The following PIP4K2A variants were observed in gnomAD, a reference collection of about 807,000 sequenced individuals.
The protein encoded by PIP4K2A is phosphatidylinositol-5-phosphate 4-kinase type 2 alpha.
Under a neutral mutation model 42.9 loss-of-function variants are expected in PIP4K2A, and 14 were observed. The observed-to-expected ratio is 0.33, with a 90% CI of 0.22 to 0.51. The LOEUF is 0.51. Ranked by LOEUF, PIP4K2A falls within the 20% of genes least tolerant of loss-of-function variation. PIP4K2A has a pLI of 0.97. For synonymous variants in PIP4K2A, 192 were observed against 192.2 expected, an observed-to-expected ratio of 1.00 and a Z score of 0.01; for missense variants, 434 against 519.8, an observed-to-expected ratio of 0.83 and a Z score of 1.61.
chr10:22,674,711 C>T (rs1253387362), intron 1 of PIP4K2A, among the ~76,000 whole-genome samples: 1 of 151,502 alleles, frequency 6.6e-6, no homozygotes, highest in Non-Finnish European at 1.5e-5. Context: ...GGAGGCTAAA[C>T]GTGGGAGGAT....
intron 3 of PIP4K2A, among the ~76,000 whole-genome samples, chr10:22,600,719 G>A (rs1837742440): frequency 6.6e-6 from 1 of 152,150 alleles, no homozygotes; most frequent in Non-Finnish European, 1.5e-5. Context: ...TTCTGGGTCT[G>A]CAGTTGACAT....
At chr10:22,710,997 GCTTA>G (rs1833902799) in intron 1 of PIP4K2A, among the ~76,000 whole-genome samples, 1 of 152,106 alleles carries the variant, frequency 6.6e-6, no homozygotes, top group South Asian at 2.1e-4. Flanking sequence ...ATCTTAAGAC[GCTTA>G]CTGTTTGATC....
At chr10:22,659,062 T>G (rs1448142824) in intron 1 of PIP4K2A, among the ~76,000 whole-genome samples, 1 of 152,198 alleles carries the variant, frequency 6.6e-6, no homozygotes, top group African/African-American at 2.4e-5. Flanking sequence ...GGACTAGTAA[T>G]CTTGGTTTGT....
At chr10:22,592,131 A>C (rs548634157) in intron 3 of PIP4K2A, among the ~76,000 whole-genome samples, 71 of 152,342 alleles carry the variant, frequency 4.7e-4, no homozygotes, top group African/African-American at 1.7e-3. Flanking sequence ...CATAAAAGAA[A>C]ATTTTACAGT....
At chr10:22,613,824 G>A (rs1838109422) in intron 1 of PIP4K2A, among the ~76,000 whole-genome samples, 1 of 152,152 alleles carries the variant, frequency 6.6e-6, no homozygotes, top group South Asian at 2.1e-4. Flanking sequence ...GCGTTCTTCA[G>A]GATGGAGGGT....
chr10:22,664,075 A>G lies in PIP4K2A; in HGVS notation c.144+50108T>C, dbSNP rs1361347023. Among the ~76,000 whole-genome samples, 21 of 78,982 alleles carry G rather than the reference A, an allele frequency of 2.7e-4. 1 individual carries two copies. The highest frequency in any genetic ancestry group is 1.7e-3 in the African/African-American group (20 of 11,652). The allele number at this position is 78,982 out of a possible 152,430, so 51.8% of individuals were successfully genotyped here. ...TATGTATATATACATATATATATAT[A>G]CGTATATATATATACATATATATAT... On this transcript the variant is annotated intron_variant, in intron 1 of 9. Transcript: ENST00000376573.
At position 22,658,410 on chromosome 10, in the gene PIP4K2A, C is replaced by T. The variant is rs139927705; in HGVS notation, c.145-48693G>A. On this transcript the variant is annotated intron_variant, in intron 1 of 9. Coordinates refer to ENST00000376573, the MANE Select transcript of PIP4K2A (RefSeq NM_005028.5). ...CATGTATTGGTGGAGAAAGGGACCACGGTATATTAATGTTTCATATAACTG... is the reference window on the plus strand; with the variant it reads ...CATGTATTGGTGGAGAAAGGGACCATGGTATATTAATGTTTCATATAACTG... 5.6e-3 allele frequency among the ~76,000 whole-genome samples: 856 copies of T among 152,254 alleles called. 10 individuals carry two copies. The highest frequency in any genetic ancestry group is 0.02 in the African/African-American group (812 of 41,516).
rs538102815 is a variant in PIP4K2A at position 22,682,038 on chromosome 10, T to C, written c.144+32145A>G. On this transcript the variant is annotated intron_variant, in intron 1 of 9. Transcript: ENST00000376573. Reference sequence around the variant, plus strand: ...ATACGTAAAAACTATCCTTAGTTCGTGGCCACACAAAAACAAGCAGCGGGC... The same window carrying C: ...ATACGTAAAAACTATCCTTAGTTCGCGGCCACACAAAAACAAGCAGCGGGC... Among the ~76,000 whole-genome samples the C allele has an allele frequency of 2.0e-5, 3 of 152,266 alleles. No homozygotes were observed. The East Asian group carries it at 5.8e-4, about 29-fold the overall frequency.
At chr10:22,538,226 C>T (rs1461452328) in intron 9 of PIP4K2A, among the ~76,000 whole-genome samples, 1 of 152,184 alleles carries the variant, frequency 6.6e-6, no homozygotes, top group East Asian at 1.9e-4. Context: ...AGCAGCTTAA[C>T]ACAGCGTTCC....
intron 6 of PIP4K2A, among the ~76,000 whole-genome samples, chr10:22,551,874 G>A (rs1200194980): frequency 1.3e-5 from 2 of 152,202 alleles, no homozygotes; most frequent in African/African-American, 4.8e-5. Flanking sequence ...TGGGTCCATC[G>A]CCTGCATCTT....
chr10:22,579,231 C>T (rs780070628), intron 4 of PIP4K2A, among the ~76,000 whole-genome samples: 7 of 152,072 alleles, frequency 4.6e-5, no homozygotes, highest in East Asian at 1.9e-4. Context: ...GGACTATTAC[C>T]GCACGTGTAA....
At chr10:22,550,402 G>A (rs1297311650) in intron 7 of PIP4K2A, among the ~76,000 whole-genome samples, 1 of 152,196 alleles carries the variant, frequency 6.6e-6, no homozygotes, top group Non-Finnish European at 1.5e-5. Context: ...AGGGGCCTGG[G>A]ACCGGGGATT....
intron 1 of PIP4K2A, among the ~76,000 whole-genome samples, chr10:22,639,560 C>G (rs1259535782): frequency 6.6e-6 from 1 of 151,534 alleles, no homozygotes; most frequent in Non-Finnish European, 1.5e-5. Context: ...TACAAATTGT[C>G]AAGAACATAG....
At position 22,645,931 on chromosome 10, in the gene PIP4K2A, AGGCT is replaced by A. The variant is rs1265204506; in HGVS notation, c.145-36218_145-36215del. The stretch of plus-strand genomic sequence containing the variant: ...GAGACGGGGTCTCCCTATGTTGCCC[AGGCT>A]GGTCTGGAACTCCTGGGCTCAAGAG... On this transcript the variant is annotated intron_variant, in intron 1 of 9. Transcript: ENST00000376573. Among the ~76,000 whole-genome samples, 15 of 152,240 alleles carry A rather than the reference AGGCT, an allele frequency of 9.9e-5. 1 individual carries two copies. In the East Asian group the frequency reaches 2.7e-3, roughly 27 times the overall value.
intron 6 of PIP4K2A, among the ~76,000 whole-genome samples, chr10:22,556,113 A>G (rs962193837): frequency 6.6e-6 from 1 of 152,206 alleles, no homozygotes; most frequent in Non-Finnish European, 1.5e-5. Context: ...CAAATTTGGA[A>G]GACACTTTTG....
chr10:22,630,174 CAAA>C (rs1172702333), intron 1 of PIP4K2A, among the ~76,000 whole-genome samples: 1 of 102,498 alleles, frequency 9.8e-6, no homozygotes. Flanking sequence ...TTCATGACTA[CAAA>C]AAAAAAAAAA....
At chr10:22,541,775 CA>C in intron 8 of PIP4K2A, 28 bp downstream of exon 8, 1 of 1,506,932 alleles carries the variant, frequency 6.6e-7, no homozygotes, top group Non-Finnish European at 8.9e-7. Flanking sequence ...ACTTCACATG[CA>C]AAAAGGGTCC....
intron 3 of PIP4K2A, among the ~76,000 whole-genome samples, chr10:22,598,353 G>A (rs989179309): frequency 6.6e-6 from 1 of 152,102 alleles, no homozygotes. Flanking sequence ...CAGAGACTCT[G>A]TTAAAAAATA....
intron 1 of PIP4K2A, among the ~76,000 whole-genome samples, chr10:22,705,853 T>A (rs2130923842): frequency 6.6e-6 from 1 of 151,962 alleles, no homozygotes; most frequent in South Asian, 2.1e-4. Flanking sequence ...CACGCTGCTG[T>A]GAAGAAATAC....
Sources: allele counts gnomAD v4.1 joint callset (sites outside exome capture counted in the v4.1 genomes callset), GRCh38; gene constraint gnomAD v4.1.1; transcripts MANE v1.5; gene names NCBI Gene and HGNC (gene_info 2026-07-23, HGNC 2026-07-21).